VWA8: variants seen among roughly 807,000 people sequenced by gnomAD.
The protein encoded by VWA8 is von Willebrand factor A domain-containing protein 8.
In VWA8, 221 loss-of-function variants were observed where a neutral mutation model predicts 241.5. The observed-to-expected ratio is 0.91, with a 90% CI of 0.82 to 1.02. The LOEUF (loss-of-function observed/expected upper bound fraction) is 1.02. Ranked by LOEUF, VWA8 falls within the 50% of genes least tolerant of loss-of-function variation. The pLI is 0.00. For missense variants in VWA8, 2,322 were observed against 2,328.7 expected (o/e 1.00, Z 0.06); for synonymous variants, 852 against 827.1 (o/e 1.03, Z -0.52).
intron 24 of VWA8, among the ~76,000 whole-genome samples, chr13:41,722,126 A>C (rs2045397804): frequency 6.6e-6 from 1 of 152,174 alleles, no homozygotes. Flanking sequence ...TTATGTACTA[A>C]AAAAGGGAGA....
At chr13:41,862,843 C>G (rs569417834) in intron 12 of VWA8, among the ~76,000 whole-genome samples, 1 of 152,304 alleles carries the variant, frequency 6.6e-6, no homozygotes, top group Non-Finnish European at 1.5e-5. Flanking sequence ...TAAATTAGTT[C>G]AGCCACTGTG....
At chr13:41,848,460 G>T (rs981181514) in intron 12 of VWA8, among the ~76,000 whole-genome samples, 1 of 152,134 alleles carries the variant, frequency 6.6e-6, no homozygotes, top group Non-Finnish European at 1.5e-5. Flanking sequence ...ATGTGTCATG[G>T]GCGGAACCAG....
At chr13:41,606,017 G>C (rs1054053789) in intron 39 of VWA8, among the ~76,000 whole-genome samples, 1 of 152,054 alleles carries the variant, frequency 6.6e-6, no homozygotes, top group African/African-American at 2.4e-5. Context: ...CTCCCACTTG[G>C]AGTGTCCCTC....
intron 14 of VWA8, among the ~76,000 whole-genome samples, chr13:41,829,561 A>ATG (rs1566473385): frequency 6.4e-5 from 9 of 141,220 alleles, no homozygotes; most frequent in African/African-American, 2.3e-4. Flanking sequence ...ACACACACAC[A>ATG]CACACATGCA....
chr13:41,568,380 C>G, intron 44 of VWA8, 75 bp from the exon 45 acceptor site: 1 of 1,198,658 alleles, frequency 8.3e-7, no homozygotes, highest in South Asian at 1.2e-5. Flanking sequence ...TGGCAAACCA[C>G]AGCCCCCTAA....
chr13:41,602,442 C>T (rs530035232), intron 40 of VWA8, among the ~76,000 whole-genome samples: 7 of 151,930 alleles, frequency 4.6e-5, no homozygotes, highest in Middle Eastern at 3.2e-3. Flanking sequence ...ATTTATAAAG[C>T]GGGGGCAAAA....
At chr13:41,755,311 G>A (rs1438077802) in intron 21 of VWA8, among the ~76,000 whole-genome samples, 2 of 151,768 alleles carry the variant, frequency 1.3e-5, no homozygotes, top group African/African-American at 4.8e-5. Context: ...ATTTTAACTG[G>A]GTAATATATA....
chr13:41,688,760 G>T (rs183165838), intron 34 of VWA8, among the ~76,000 whole-genome samples: 1 of 152,086 alleles, frequency 6.6e-6, no homozygotes, highest in African/African-American at 2.4e-5. Flanking sequence ...CTCACAAGTG[G>T]GAGCGAAACA....
chr13:41,731,638 G>T (rs2045484389), intron 22 of VWA8, among the ~76,000 whole-genome samples: 1 of 152,118 alleles, frequency 6.6e-6, no homozygotes, highest in African/African-American at 2.4e-5. Context: ...ATACGGTTTG[G>T]CTGTGTCCCC....
chr13:41,855,344 A>G (rs1271277426), intron 12 of VWA8, among the ~76,000 whole-genome samples: 1 of 145,776 alleles, frequency 6.9e-6, no homozygotes, highest in Non-Finnish European at 1.5e-5. Context: ...TATATAATAT[A>G]TAAATATATA....
intron 14 of VWA8, among the ~76,000 whole-genome samples, chr13:41,823,337 T>C (rs1871042270): frequency 6.6e-6 from 1 of 152,098 alleles, no homozygotes; most frequent in Non-Finnish European, 1.5e-5. Context: ...GCAACAAATA[T>C]AAATAAAATA....
intron 37 of VWA8, among the ~76,000 whole-genome samples, chr13:41,619,197 C>T (rs373949928): frequency 2.0e-5 from 3 of 152,102 alleles, no homozygotes; most frequent in Admixed American, 6.5e-5. Context: ...CCCTTGTAAG[C>T]TGGATTCCCA....
chr13:41,935,571 ATACT>A (rs1330840926), intron 2 of VWA8, among the ~76,000 whole-genome samples: 3 of 152,086 alleles, frequency 2.0e-5, no homozygotes, highest in Non-Finnish European at 2.9e-5. Context: ...AATGTAGTAC[ATACT>A]TACTATAATT....
intron 7 of VWA8, 66 bp from the exon 8 acceptor site, chr13:41,886,094 A>G (rs1207943457): frequency 7.4e-6 from 8 of 1,082,708 alleles, no homozygotes; most frequent in Admixed American, 3.0e-5. Flanking sequence ...TGTTAAATAT[A>G]AAATACAGGG....
intron 12 of VWA8, among the ~76,000 whole-genome samples, chr13:41,843,228 A>C (rs184336072): frequency 6.6e-6 from 1 of 152,358 alleles, no homozygotes; most frequent in African/African-American, 2.4e-5. Context: ...CTAAAACCCC[A>C]GCATATACAA....
chr13:41,830,285 G>T (rs1258699712), intron 14 of VWA8, among the ~76,000 whole-genome samples: 9 of 142,964 alleles, frequency 6.3e-5, no homozygotes, highest in African/African-American at 2.3e-4. Flanking sequence ...CAACAAAAAA[G>T]CAAATAAAAC....
chr13:41,823,029 T>A (rs902053732), intron 14 of VWA8, among the ~76,000 whole-genome samples: 2 of 152,166 alleles, frequency 1.3e-5, no homozygotes, highest in Middle Eastern at 3.4e-3. Flanking sequence ...TCAGAAAAAA[T>A]TATTTTCAAA....
intron 20 of VWA8, among the ~76,000 whole-genome samples, chr13:41,776,756 A>G (rs1287433967): frequency 6.6e-6 from 1 of 152,122 alleles, no homozygotes; most frequent in Non-Finnish European, 1.5e-5. Context: ...TAAGATAAGC[A>G]ATTTGCCCAA....
intron 9 of VWA8, among the ~76,000 whole-genome samples, chr13:41,876,094 T>G (rs1873885413): frequency 6.6e-6 from 1 of 152,140 alleles, no homozygotes; most frequent in South Asian, 2.1e-4. Context: ...TCCAACTACT[T>G]CTTATCAACA....
Sources: allele counts gnomAD v4.1 joint callset (sites outside exome capture counted in the v4.1 genomes callset), GRCh38; gene constraint gnomAD v4.1.1; transcripts MANE v1.5; gene names NCBI Gene and HGNC (gene_info 2026-07-23, HGNC 2026-07-21).